ABAT: variants seen among roughly 807,000 people sequenced by gnomAD.
The protein encoded by ABAT is 4-aminobutyrate aminotransferase, mitochondrial.
In ABAT, 45 loss-of-function variants were observed where a neutral mutation model predicts 64.6. The observed-to-expected ratio is 0.70, with a 90% CI of 0.55 to 0.89. The LOEUF (loss-of-function observed/expected upper bound fraction) is 0.89. Among genes scored for constraint, ABAT ranks in the 40% least tolerant of loss-of-function variants. The pLI, the probability that ABAT is intolerant of heterozygous loss-of-function variation, is 0.00. For missense variants in ABAT, 633 were observed against 658.4 expected, an observed-to-expected ratio of 0.96 and a Z score of 0.42; for synonymous variants, 297 against 250.5, an observed-to-expected ratio of 1.19 and a Z score of -1.75.
In ABAT at chr16:8,779,461, T is replaced by C. The variant is rs1488178030; in HGVS notation, c.1270-18T>C. 7 of 1,609,668 alleles carry C rather than the reference T, an allele frequency of 4.3e-6. No individual in the cohort carries two copies. The highest frequency in any genetic ancestry group is 6.0e-6 in the Non-Finnish European group (7 of 1,176,352). On this transcript the variant is annotated intron_variant, in intron 14 of 15. Transcript: ENST00000268251. ...AGGTGATGGGCTTTGACGCCAGCCT[T>C]GTCTCCTCCCACTACAGGCCCGGTA...
At chr16:8,755,010 C>G (rs924447606) in intron 5 of ABAT, among the ~76,000 whole-genome samples, 5 of 152,272 alleles carry the variant, frequency 3.3e-5, no homozygotes, top group African/African-American at 9.6e-5. Context: ...TGCTATTCTT[C>G]AAACTCGAGA....
At chr16:8,760,921 T>G (rs2059777079) in intron 6 of ABAT, among the ~76,000 whole-genome samples, 2 of 151,726 alleles carry the variant, frequency 1.3e-5, no homozygotes, top group South Asian at 4.2e-4. Context: ...GATAACTGTT[T>G]TTAAAAAATT....
intron 1 of ABAT, among the ~76,000 whole-genome samples, chr16:8,700,900 T>C (rs2057806859): frequency 6.6e-6 from 1 of 150,602 alleles, no homozygotes; most frequent in Non-Finnish European, 1.5e-5. Flanking sequence ...GCCGCCATGC[T>C]GGCCTTAATT....
Position 8,770,800 on chromosome 16 carries a change from A to G in ABAT, c.816+1827A>G, listed in dbSNP as rs1596468943. Among the ~76,000 whole-genome samples the G allele has an allele frequency of 3.3e-5, 5 of 152,220 alleles. No individual in the cohort carries two copies. The East Asian group carries it at 9.6e-4, about 29-fold the overall frequency. ...GTGAAATTCATTTTCAGAGCATTTT[A>G]TTGAACCGAATATATTCAAAATATT... On this transcript the variant is annotated intron_variant, in intron 11 of 15. Coordinates refer to ENST00000268251, the MANE Select transcript of ABAT (RefSeq NM_020686.6).
intron 1 of ABAT, among the ~76,000 whole-genome samples, chr16:8,681,724 T>C (rs1567268380): frequency 6.6e-6 from 1 of 151,010 alleles, no homozygotes; most frequent in African/African-American, 2.4e-5. Flanking sequence ...TCACTGCAAC[T>C]TCTGCCTCCC....
At chr16:8,756,067 G>C (rs941702801) in intron 5 of ABAT, among the ~76,000 whole-genome samples, 2 of 151,106 alleles carry the variant, frequency 1.3e-5, no homozygotes, top group African/African-American at 4.9e-5. Context: ...AACAAAATTA[G>C]CCAGGCATGG....
intron 8 of ABAT, 34 bp from the exon 9 acceptor site, chr16:8,766,174 A>T: frequency 6.3e-7 from 1 of 1,593,132 alleles, no homozygotes; most frequent in Non-Finnish European, 8.6e-7. Flanking sequence ...ACCCCAGAGC[A>T]TCTCTGAGAT....
At chr16:8,717,852 G>A (rs552571196) in intron 1 of ABAT, among the ~76,000 whole-genome samples, 5 of 151,052 alleles carry the variant, frequency 3.3e-5, no homozygotes, top group South Asian at 4.2e-4. Flanking sequence ...ATGGGGTCTC[G>A]CTCTGTCACC....
chr16:8,694,823 C>T (rs1448362164), intron 1 of ABAT, among the ~76,000 whole-genome samples: 2 of 152,224 alleles, frequency 1.3e-5, no homozygotes, highest in African/African-American at 4.8e-5. Flanking sequence ...CTTTAGGTGT[C>T]TGTCCTGGGC....
chr16:8,706,526 C>A (rs1471557643), intron 1 of ABAT, among the ~76,000 whole-genome samples: 1 of 151,882 alleles, frequency 6.6e-6, no homozygotes, highest in Non-Finnish European at 1.5e-5. Flanking sequence ...CCAGCCTGGC[C>A]AACATGGTGA....
intron 1 of ABAT, among the ~76,000 whole-genome samples, chr16:8,695,011 T>A (rs924537087): frequency 6.6e-6 from 1 of 152,242 alleles, no homozygotes; most frequent in African/African-American, 2.4e-5. Context: ...GGCAGCATTC[T>A]GCTGGAGCCA....
intron 1 of ABAT, among the ~76,000 whole-genome samples, chr16:8,681,842 A>C (rs1315678178): frequency 1.3e-5 from 2 of 151,928 alleles, no homozygotes; most frequent in African/African-American, 2.4e-5. Context: ...GGGTTTCACC[A>C]TGTTGGCCAG....
chr16:8,750,773 T>TATCCCCATTTTGCAGATAGGTAAA (rs2059457780), intron 5 of ABAT, among the ~76,000 whole-genome samples: 1 of 152,154 alleles, frequency 6.6e-6, no homozygotes, highest in African/African-American at 2.4e-5. Flanking sequence ...TATGTATTAA[T>TATCCCCATTTTGCAGATAGGTAAA]ATCCCCATTT....
At chr16:8,697,278 T>A (rs184969191) in intron 1 of ABAT, among the ~76,000 whole-genome samples, 6 of 152,140 alleles carry the variant, frequency 3.9e-5, no homozygotes, top group Admixed American at 2.0e-4. Context: ...CATTAGAAGG[T>A]TGGGTTTTAT....
At chr16:8,678,054 T>G (rs988236297) in intron 1 of ABAT, among the ~76,000 whole-genome samples, 3 of 152,038 alleles carry the variant, frequency 2.0e-5, no homozygotes, top group African/African-American at 7.2e-5. Context: ...AGTGAGACAC[T>G]GTCTCCAAAA....
chr16:8,783,772 G>C lies in ABAT; in HGVS notation c.*2342G>C, dbSNP rs1470703071. 6.6e-6 allele frequency: 1 copy of C among 152,162 alleles called. No homozygotes were observed. Among genetic ancestry groups the C allele is most frequent in the African/African-American group, 2.4e-5 (1 of 41,438 alleles). The allele number at this position is 152,162 out of a possible 1,614,324, so 9.4% of individuals were successfully genotyped here. A position where few individuals can be genotyped will look rare whatever the true frequency, so the allele number is the denominator to read the frequency against. ...AAGCCAGGGCACAACCAGAAAAGTG[G>C]CTCTCTTTGGTAGGGAGAGGGGCTC... On this transcript the variant is annotated 3_prime_UTR_variant, in exon 16 of 16. Coordinates refer to ENST00000268251, the MANE Select transcript of ABAT (RefSeq NM_020686.6).
At chr16:8,771,077 C>T (rs1013778863) in intron 11 of ABAT, among the ~76,000 whole-genome samples, 15 of 152,032 alleles carry the variant, frequency 9.9e-5, no homozygotes, top group African/African-American at 3.6e-4. Flanking sequence ...GGGCAGATCA[C>T]CTGAGGTCAG....
intron 1 of ABAT, among the ~76,000 whole-genome samples, chr16:8,699,905 T>G (rs1425913705): frequency 1.3e-5 from 2 of 152,098 alleles, no homozygotes; most frequent in East Asian, 3.9e-4. Flanking sequence ...CCTCGACCTC[T>G]TGGGCTCAGG....
At position 8,764,038 on chromosome 16, in the gene ABAT, A is replaced by T. The variant is rs2059871012; in HGVS notation, c.367-31A>T. 2 of 1,603,200 alleles carry T rather than the reference A, an allele frequency of 1.2e-6. No individual in the cohort carries two copies. Among genetic ancestry groups the T allele is most frequent in the African/African-American group, 2.7e-5 (2 of 74,836 alleles). On this transcript the variant is annotated intron_variant, in intron 6 of 15. Coordinates refer to ENST00000268251, the MANE Select transcript of ABAT (RefSeq NM_020686.6). The surrounding 1 kb of genome is among the most constrained non-coding windows in gnomAD (Gnocchi z 4.2). Reference sequence around the variant, plus strand: ...GCAGGGAGCTGGGTCAGGCCCCCAGAAGTCACCATTTGTCTCTTGCCCTTT... The same window carrying T: ...GCAGGGAGCTGGGTCAGGCCCCCAGTAGTCACCATTTGTCTCTTGCCCTTT...
Sources: allele counts gnomAD v4.1 joint callset (sites outside exome capture counted in the v4.1 genomes callset), GRCh38; gene constraint gnomAD v4.1.1; non-coding constraint Gnocchi (gnomAD v3.1); transcripts MANE v1.5; gene names NCBI Gene and HGNC (gene_info 2026-07-23, HGNC 2026-07-21).